Variants in ANO3 observed in about 807,000 individuals in gnomAD.
ANO3 encodes anoctamin-3.
ANO3 carries 99 observed loss-of-function variants against 144.8 expected under a neutral mutation model. That is an observed-to-expected ratio of 0.68 (90% CI 0.58 to 0.81). The LOEUF is 0.81. Ranked by LOEUF, ANO3 falls within the 30% of genes least tolerant of loss-of-function variation. The probability of loss-of-function intolerance (pLI) is 0.00; values close to 1 mark genes in which losing one functional copy is unlikely to be tolerated. For synonymous variants in ANO3, 414 were observed against 392.6 expected (o/e 1.05, Z -0.64); for missense variants, 905 against 1,202.2 (o/e 0.75, Z 3.66).
chr11:26,326,304 C>G (rs1236917873), intron 1 of ANO3, among the ~76,000 whole-genome samples: 1 of 152,054 alleles, frequency 6.6e-6, no homozygotes, highest in Non-Finnish European at 1.5e-5. Flanking sequence ...TAAAGCCACT[C>G]TATGAATGAA....
intron 1 of ANO3, among the ~76,000 whole-genome samples, chr11:26,378,392 T>C (rs1856474707): frequency 7.2e-6 from 1 of 138,456 alleles, no homozygotes; most frequent in Non-Finnish European, 1.5e-5. Flanking sequence ...ATATATAATC[T>C]ATATATTATC....
rs188929905 is a variant in ANO3, at chr11:26,517,869, G to A, written c.692+942G>A. Among the ~76,000 whole-genome samples, 11 of 152,082 alleles carry A rather than the reference G, an allele frequency of 7.2e-5. No individual in the cohort carries two copies. In the East Asian group the frequency reaches 1.7e-3, roughly 24 times the overall value. On this transcript the variant is annotated intron_variant, in intron 6 of 26. Coordinates refer to ENST00000256737, the MANE Select transcript of ANO3 (RefSeq NM_031418.4). ...TCATCTTCTTAGTCATTTAAAACAC[G>A]TAGGGCTCGAAAGATGCAACCATAG...
intron 22 of ANO3, among the ~76,000 whole-genome samples, chr11:26,642,981 A>G (rs1245718764): frequency 6.6e-6 from 1 of 152,224 alleles, no homozygotes; most frequent in Non-Finnish European, 1.5e-5. Context: ...TAATTTGAAT[A>G]AAGGTTTCAA....
rs74973199 is a variant in ANO3, at chr11:26,311,367, G to A, written c.-3+1648G>A. Among the ~76,000 whole-genome samples, 51 of 152,258 alleles carry A rather than the reference G, an allele frequency of 3.3e-4. No individual in the cohort carries two copies. In the East Asian group the frequency reaches 5.0e-3, roughly 15 times the overall value. On this transcript the variant is annotated intron_variant, in intron 1 of 26. Coordinates refer to the ANO3 transcript ENST00000525139. ...CTTCTGCCCTCACGAAGGCCTGACC[G>A]GGACTTGAACCCACATCTGTCTCCT...
chr11:26,306,575 G>T (rs181303134), upstream of ANO3, among the ~76,000 whole-genome samples: 652 of 152,126 alleles, frequency 4.3e-3, 7 homozygotes, highest in African/African-American at 0.014. Flanking sequence ...GAGGTGGGAG[G>T]ATCACTGAAG....
intron 4 of ANO3, among the ~76,000 whole-genome samples, chr11:26,501,868 A>AG (rs1410754017): frequency 1.3e-5 from 2 of 152,222 alleles, no homozygotes; most frequent in Non-Finnish European, 2.9e-5. Flanking sequence ...GTGCTGGAAC[A>AG]GTTGGATAAC....
chr11:26,496,974 G>GTATA (rs71047855), intron 4 of ANO3, among the ~76,000 whole-genome samples: 16,012 of 136,204 alleles, frequency 0.12, 967 homozygotes, highest in Middle Eastern at 0.18. Context: ...AATGTTGTGT[G>GTATA]TATATATATA....
intron 17 of ANO3, among the ~76,000 whole-genome samples, chr11:26,607,301 G>A (rs926147124): frequency 2.6e-5 from 4 of 151,942 alleles, no homozygotes; most frequent in African/African-American, 7.3e-5. Context: ...ATGTGTCTTC[G>A]GGTTAATCCT....
chr11:26,422,559 TC>T (rs1767842795), intron 1 of ANO3, among the ~76,000 whole-genome samples: 1 of 152,018 alleles, frequency 6.6e-6, no homozygotes, highest in Admixed American at 6.6e-5. Context: ...GAAAATCTGT[TC>T]TGCATGTAAG....
rs560877083 is a variant in ANO3, at chr11:26,447,470, T to C, written c.313+3634T>C. 3.3e-5 allele frequency among the ~76,000 whole-genome samples: 5 copies of C among 152,276 alleles called. No individual in the cohort carries two copies. The South Asian group carries it at 1.0e-3, about 32-fold the overall frequency. On this transcript the variant is annotated intron_variant, in intron 3 of 26. Coordinates refer to ENST00000256737, the MANE Select transcript of ANO3 (RefSeq NM_031418.4). ...GATTTCAACCAAGGAAGGCTTGATC[T>C]CTAACCTTCTCTTTTAATCACCACA...
chr11:26,463,527 T>C (rs1859492953), intron 4 of ANO3, among the ~76,000 whole-genome samples: 1 of 151,556 alleles, frequency 6.6e-6, no homozygotes, highest in South Asian at 2.1e-4. Context: ...ATAAGGCTAA[T>C]TAAACTCACT....
At chr11:26,493,801 C>G (rs1007829708) in intron 4 of ANO3, among the ~76,000 whole-genome samples, 5 of 152,150 alleles carry the variant, frequency 3.3e-5, no homozygotes, top group African/African-American at 1.2e-4. Context: ...CTGCCATTCA[C>G]TGGCTGGACC....
At chr11:26,322,745 G>A (rs144226466) in intron 1 of ANO3, among the ~76,000 whole-genome samples, 98 of 152,126 alleles carry the variant, frequency 6.4e-4, no homozygotes, top group Non-Finnish European at 1.2e-3. Flanking sequence ...ATGTTTATCA[G>A]GTTTCTCTAC....
intron 14 of ANO3, among the ~76,000 whole-genome samples, chr11:26,581,578 A>G (rs1002613435): frequency 2.0e-5 from 3 of 150,542 alleles, no homozygotes; most frequent in African/African-American, 7.3e-5. Flanking sequence ...AGTCCCAGCT[A>G]TGTGGGAGGC....
intron 1 of ANO3, among the ~76,000 whole-genome samples, chr11:26,252,230 G>C (rs1189533677): frequency 3.9e-5 from 6 of 152,144 alleles, no homozygotes; most frequent in Admixed American, 2.0e-4. Flanking sequence ...AACTGACTTA[G>C]TCTGATTCTA....
At chr11:26,324,707 G>T (rs1053087230) in intron 1 of ANO3, among the ~76,000 whole-genome samples, 2 of 152,196 alleles carry the variant, frequency 1.3e-5, no homozygotes, top group African/African-American at 4.8e-5. Context: ...AAATTTTGCA[G>T]TGCCAGCCAG....
intron 12 of ANO3, among the ~76,000 whole-genome samples, chr11:26,550,124 G>A (rs444534): frequency 0.71 from 107,789 of 151,320 alleles, 38,692 homozygotes; most frequent in East Asian, 0.84. Context: ...TAAGTTTCAA[G>A]CCTATTTCTG....
chr11:26,312,429 C>T (rs1854521363), intron 1 of ANO3, among the ~76,000 whole-genome samples: 1 of 152,206 alleles, frequency 6.6e-6, no homozygotes, highest in African/African-American at 2.4e-5. Context: ...CATTGTCTTC[C>T]ACAATGGTTG....
chr11:26,297,380 G>A (rs185276105), intron 1 of ANO3, among the ~76,000 whole-genome samples: 164 of 152,200 alleles, frequency 1.1e-3, no homozygotes, highest in African/African-American at 3.3e-3. Flanking sequence ...ACACTTGTGG[G>A]CCTGTCATAC....
Sources: allele counts gnomAD v4.1 joint callset (sites outside exome capture counted in the v4.1 genomes callset), GRCh38; gene constraint gnomAD v4.1.1; transcripts MANE v1.5; gene names NCBI Gene and HGNC (gene_info 2026-07-23, HGNC 2026-07-21).